The following SCN10A variants were observed in gnomAD, a reference collection of about 807,000 sequenced individuals.
The protein encoded by SCN10A is sodium channel protein type 10 subunit alpha.
In SCN10A, 162 loss-of-function variants were observed where a neutral mutation model predicts 170.7. The observed-to-expected ratio is 0.95, with a 90% confidence interval of 0.84 to 1.08. The LOEUF is 1.08. Among genes scored for constraint, SCN10A ranks in the 50% least tolerant of loss-of-function variants. SCN10A has a pLI of 0.00. For missense variants in SCN10A, 2,527 were observed against 2,436.9 expected (o/e 1.04, Z -0.78); for synonymous variants, 985 against 904.6 (o/e 1.09, Z -1.59).
intron 26 of SCN10A, among the ~76,000 whole-genome samples, chr3:38,705,325 T>C (rs2063199078): frequency 6.6e-6 from 1 of 152,218 alleles, no homozygotes; most frequent in Admixed American, 6.5e-5. Flanking sequence ...GAATTACTAA[T>C]CCACTCTTCT....
chr3:38,814,738 T>C (rs2064461483), intron 1 of SCN10A, among the ~76,000 whole-genome samples: 1 of 152,232 alleles, frequency 6.6e-6, no homozygotes, highest in Non-Finnish European at 1.5e-5. Context: ...ATTATTTGAC[T>C]AAGTGGACAG....
At chr3:38,701,186 C>T (rs2125982305) in intron 27 of SCN10A, among the ~76,000 whole-genome samples, 1 of 152,328 alleles carries the variant, frequency 6.6e-6, no homozygotes, top group South Asian at 2.1e-4. Flanking sequence ...ATGTTAGCCT[C>T]TAACTCTAGT....
At chr3:38,733,037 A>G (rs1452013869) in intron 15 of SCN10A, among the ~76,000 whole-genome samples, 1 of 152,170 alleles carries the variant, frequency 6.6e-6, no homozygotes, top group Non-Finnish European at 1.5e-5. Context: ...TGTGCAAGAG[A>G]AAGGCATGGG....
In SCN10A at chr3:38,726,891, C is replaced by T; in HGVS notation, c.2802G>A (p.Arg934=). The T allele has an allele frequency of 6.2e-7, 1 of 1,614,192 alleles. No individual in the cohort carries two copies. The highest frequency in any genetic ancestry group is 1.1e-5 in the South Asian group (1 of 91,082). ...TKQALCSFFS[R]SCPFPQPKAE... ...CCTTGGGCTGGGGGAATGGGCAGGA[C>T]CTGCTGAAGAAGCTGCAAAGAGCCT... Residue 934 remains arginine, a synonymous_variant, in exon 17 of 28, where the codon AGG becomes AGA. Transcript: ENST00000449082.
At chr3:38,753,502 A>T (rs1006669524) in intron 11 of SCN10A, among the ~76,000 whole-genome samples, 1 of 152,182 alleles carries the variant, frequency 6.6e-6, no homozygotes, top group Non-Finnish European at 1.5e-5. Flanking sequence ...TATCTCACAG[A>T]ACTGAAGTTT....
Position 38,757,172 on chromosome 3 carries a change from C to A in SCN10A, c.951-13G>T. 1 of 1,582,174 alleles carries A rather than the reference C, an allele frequency of 6.3e-7. No individual in the cohort carries two copies. Among genetic ancestry groups the A allele is most frequent in the African/African-American group, 1.4e-5 (1 of 73,942 alleles). On this transcript the variant is annotated splice_polypyrimidine_tract_variant and intron_variant, in intron 8 of 27. Coordinates refer to ENST00000449082, the MANE Select transcript of SCN10A (RefSeq NM_006514.4). ...ATCAGGGCAGTGGCTGCAGCAAGAA[C>A]AGAGAAGGTCATCCCCTGCTTATTG... is the stretch of plus-strand genomic sequence containing the variant.
intron 4 of SCN10A, among the ~76,000 whole-genome samples, chr3:38,786,413 G>A (rs947633525): frequency 8.5e-5 from 13 of 152,062 alleles, no homozygotes; most frequent in African/African-American, 2.9e-4. Flanking sequence ...TCACTCATAG[G>A]TGGGAGATGA....
intron 23 of SCN10A, among the ~76,000 whole-genome samples, chr3:38,711,929 C>T (rs2063278336): frequency 1.3e-5 from 2 of 152,220 alleles, no homozygotes; most frequent in Admixed American, 1.3e-4. Context: ...AGGCCCATCC[C>T]TTTATGCTAT....
chr3:38,737,411 C>G (rs1276369203), intron 15 of SCN10A, among the ~76,000 whole-genome samples: 1 of 152,112 alleles, frequency 6.6e-6, no homozygotes, highest in African/African-American at 2.4e-5. Context: ...TTCTAGATAC[C>G]TAGAGAAATC....
chr3:38,708,687 C>A (rs1425151042), intron 25 of SCN10A, among the ~76,000 whole-genome samples: 1 of 152,168 alleles, frequency 6.6e-6, no homozygotes, highest in East Asian at 1.9e-4. Context: ...TTTGTTTACC[C>A]CTCACCACAA....
Position 38,722,268 on chromosome 3 carries a change from C to T in SCN10A, c.3497G>A (p.Ser1166Asn), listed in dbSNP as rs757176136. The change falls in exon 20 of 28, where the codon AGT becomes AAT. Residue 1166 changes from serine (S) to asparagine (N), a missense_variant. By Grantham distance (46) the Ser-to-Asn change is conservative. Coordinates refer to ENST00000449082, the MANE Select transcript of SCN10A (RefSeq NM_006514.4). Reference protein sequence around the residue: ...SFIIFMILLSSGSLAFEDYYL... With the variant: ...SFIIFMILLSNGSLAFEDYYL... Reference sequence around the variant, plus strand: ...TATGCCTCCCCTTACCAGAGATCCACTGCTGAGCAGGATCATGAAGATGAT... The same window carrying T: ...TATGCCTCCCCTTACCAGAGATCCATTGCTGAGCAGGATCATGAAGATGAT... The T allele has an allele frequency of 6.8e-6, 11 of 1,613,784 alleles. No homozygotes were observed. The highest frequency in any genetic ancestry group is 9.3e-6 in the Non-Finnish European group (11 of 1,179,766).
intron 15 of SCN10A, among the ~76,000 whole-genome samples, chr3:38,736,976 T>TG (rs1559433156): frequency 3.8e-5 from 4 of 106,216 alleles, no homozygotes; most frequent in African/African-American, 1.5e-4. Context: ...TTTTTTTTTT[T>TG]TTTTTTTTTT....
At chr3:38,815,858 T>C (rs2064472810) in intron 1 of SCN10A, among the ~76,000 whole-genome samples, 179 bp downstream of exon 1, 1 of 152,216 alleles carries the variant, frequency 6.6e-6, no homozygotes, top group African/African-American at 2.4e-5. Context: ...CTTCTATGCA[T>C]ATAGATTAAT....
intron 26 of SCN10A, 68 bp from the exon 27 acceptor site, chr3:38,702,177 G>A: frequency 6.8e-7 from 1 of 1,479,566 alleles, no homozygotes; most frequent in African/African-American, 1.4e-5. Context: ...TGTGTTATCT[G>A]TAGATGAGTT....
intron 18 of SCN10A, among the ~76,000 whole-genome samples, chr3:38,723,991 T>G (rs2063425846): frequency 6.6e-6 from 1 of 152,192 alleles, no homozygotes. Flanking sequence ...AGGCCCCTCC[T>G]GCCTAGCCGG....
At chr3:38,720,915 G>A (rs1363019085) in intron 20 of SCN10A, among the ~76,000 whole-genome samples, 4 of 152,190 alleles carry the variant, frequency 2.6e-5, no homozygotes, top group African/African-American at 9.6e-5. Context: ...TCTTGCCCCT[G>A]CAATTTGGCC....
At chr3:38,712,686 G>A (rs955943864) in intron 22 of SCN10A, among the ~76,000 whole-genome samples, 4 of 152,198 alleles carry the variant, frequency 2.6e-5, no homozygotes, top group East Asian at 3.8e-4. Context: ...GTGAGAAGAT[G>A]GATGAGTTTA....
chr3:38,729,345 GC>G (rs1373359212), intron 15 of SCN10A, among the ~76,000 whole-genome samples: 1 of 152,130 alleles, frequency 6.6e-6, no homozygotes. Context: ...ATAGGTATTG[GC>G]AAAACATCTC....
chr3:38,730,411 C>A (rs9836859), intron 15 of SCN10A, among the ~76,000 whole-genome samples: 1 of 152,046 alleles, frequency 6.6e-6, no homozygotes, highest in Non-Finnish European at 1.5e-5. Context: ...CTGGAGGAAC[C>A]TGCCTTTATC....
Sources: allele counts gnomAD v4.1 joint callset (sites outside exome capture counted in the v4.1 genomes callset), GRCh38; gene constraint gnomAD v4.1.1; transcripts MANE v1.5; gene names NCBI Gene and HGNC (gene_info 2026-07-23, HGNC 2026-07-21).